KNL1: variants seen among roughly 807,000 people sequenced by gnomAD.
KNL1 encodes the protein outer kinetochore KNL1 complex subunit KNL1.
Under a neutral mutation model 201.3 loss-of-function variants are expected in KNL1, and 66 were observed. That is an observed-to-expected ratio of 0.33 (90% CI 0.27 to 0.40). The LOEUF is 0.40. Ranked by LOEUF, KNL1 falls within the 10% of genes least tolerant of loss-of-function variation. KNL1 has a pLI of 1.00. For missense variants in KNL1, 2,815 were observed against 2,690.5 expected, an observed-to-expected ratio of 1.05 and a Z score of -1.02; for synonymous variants, 895 against 899.2, an observed-to-expected ratio of 1.00 and a Z score of 0.08.
chr15:40,624,291 A>C lies in KNL1; in HGVS notation c.4027A>C (p.Asn1343His), dbSNP rs758001293. Reference sequence around the variant, plus strand: ...AGTGCAAAATGATCTTGCTTATGCAAATGATTTTGCCAGTGAATATTACTT... The same window carrying C: ...AGTGCAAAATGATCTTGCTTATGCACATGATTTTGCCAGTGAATATTACTT... The part of the protein sequence containing the change: ...CPVQNDLAYA[N>H]DFASEYYLES... Residue 1343 changes from asparagine to histidine, a missense_variant, in exon 10 of 26, where the codon AAT becomes CAT. Asn to His is a moderately conservative substitution (Grantham distance 68, BLOSUM62 1). This residue lies in a region of KNL1 where 2,464 missense variants were observed against 2,291.7 expected (regional missense o/e 1.08). Transcript: ENST00000399668. The C allele has an allele frequency of 6.2e-7, 1 of 1,613,970 alleles. No homozygotes were observed. Among genetic ancestry groups the C allele is most frequent in the African/African-American group, 1.3e-5 (1 of 74,940 alleles).
rs780290051 is a variant in KNL1, at chr15:40,621,199, C to A, written c.935C>A (p.Thr312Lys). Residue 312 changes from threonine to lysine, a missense_variant, in exon 10 of 26, where the codon ACA becomes AAA. Transcript: ENST00000399668. ...NSRESKGNDI[T>K]IYGNDFMDLT... ...CGGGAATCTAAAGGTAATGATATTA[C>A]AATTTATGGCAATGACTTTATGGAC... 5 of 1,611,718 alleles carry A rather than the reference C, an allele frequency of 3.1e-6. No homozygotes were observed. In the Admixed American group the frequency reaches 8.4e-5, roughly 27 times the overall value.
At chr15:40,653,101 A>C (rs1024885499) in intron 21 of KNL1, among the ~76,000 whole-genome samples, 19 of 152,242 alleles carry the variant, frequency 1.2e-4, no homozygotes, top group African/African-American at 4.3e-4. Context: ...CCAAAATTAA[A>C]ACTTAGGAAT....
At chr15:40,658,347 G>A (rs1229382142) in intron 24 of KNL1, among the ~76,000 whole-genome samples, 2 of 151,528 alleles carry the variant, frequency 1.3e-5, no homozygotes, top group African/African-American at 2.4e-5. Context: ...AGGCAAGATG[G>A]TGAAACCCTG....
chr15:40,605,615 A>AT (rs1460499213), intron 3 of KNL1, among the ~76,000 whole-genome samples: 1 of 152,018 alleles, frequency 6.6e-6, no homozygotes, highest in African/African-American at 2.4e-5. Flanking sequence ...CGTGTGGCTA[A>AT]TTTTTTTATT....
chr15:40,610,841 C>T (rs533765073), intron 6 of KNL1: 4 of 455,164 alleles, frequency 8.8e-6, no homozygotes, highest in East Asian at 1.4e-4. Flanking sequence ...CTTCTGCCTC[C>T]TGGGTTTAAG....
chr15:40,630,596 A>G (rs1892886972), intron 13 of KNL1, among the ~76,000 whole-genome samples: 1 of 152,174 alleles, frequency 6.6e-6, no homozygotes, highest in African/African-American at 2.4e-5. Context: ...TCAGATCAGC[A>G]GTGGCATTAC....
chr15:40,626,750 T>C (rs1305239939), intron 10 of KNL1, among the ~76,000 whole-genome samples: 2 of 151,618 alleles, frequency 1.3e-5, no homozygotes, highest in African/African-American at 4.8e-5. Context: ...CAGCTAATTT[T>C]TGTATTTTTA....
chr15:40,659,104 CCT>C (rs951277934), intron 24 of KNL1, among the ~76,000 whole-genome samples: 52 of 151,692 alleles, frequency 3.4e-4, no homozygotes, highest in African/African-American at 1.2e-3. Context: ...TTGGCGAAAC[CCT>C]GTCTCTACTA....
At chr15:40,650,736 A>G (rs1248117009) in intron 19 of KNL1, among the ~76,000 whole-genome samples, 153 bp downstream of exon 19, 1 of 152,194 alleles carries the variant, frequency 6.6e-6, no homozygotes, top group African/African-American at 2.4e-5. Flanking sequence ...CCTAGAGTCC[A>G]TCTTAGTCAA....
intron 13 of KNL1, among the ~76,000 whole-genome samples, chr15:40,638,374 CTG>C (rs1326862214): frequency 6.6e-6 from 1 of 152,070 alleles, no homozygotes; most frequent in African/African-American, 2.4e-5. Context: ...AGTTTAAAAA[CTG>C]TTTTAAAGAC....
rs1299888083 is a variant in KNL1, at chr15:40,623,949, C to G, written c.3685C>G (p.Gln1229Glu). 4 of 1,613,342 alleles carry G rather than the reference C, an allele frequency of 2.5e-6. No individual in the cohort carries two copies. In the African/African-American group the frequency reaches 5.3e-5, roughly 22 times the overall value. ...VGNKIVLHTEQKQQLFAATNR... is the reference protein window; with the variant it reads ...VGNKIVLHTEEKQQLFAATNR... ...AAACAAAATAGTTCTTCACACCGAG[C>G]AAAAGCAACAACTCTTTGCTGCTAC... The change falls in exon 10 of 26, where the codon CAA (glutamine) becomes GAA (glutamate). Residue 1229 changes from glutamine to glutamate, a missense_variant. This residue lies in a region of KNL1 where 2,464 missense variants were observed against 2,291.7 expected (regional missense o/e 1.08). Coordinates refer to ENST00000399668, the MANE Select transcript of KNL1 (RefSeq NM_144508.5).
chr15:40,661,799 T>C (rs1422026259), intron 25 of KNL1, among the ~76,000 whole-genome samples: 1 of 152,056 alleles, frequency 6.6e-6, no homozygotes, highest in East Asian at 1.9e-4. Flanking sequence ...TCCCAGCACT[T>C]TGGGAGGCCG....
intron 5 of KNL1, among the ~76,000 whole-genome samples, chr15:40,609,481 T>C (rs1892088131): frequency 6.6e-6 from 1 of 152,164 alleles, no homozygotes; most frequent in South Asian, 2.1e-4. Flanking sequence ...TAGAATGAAC[T>C]GGTCGGATTC....
In KNL1 at chr15:40,624,711, G is replaced by A. The variant is rs1892679263; in HGVS notation, c.4447G>A (p.Ala1483Thr). 3 of 1,613,104 alleles carry A rather than the reference G, an allele frequency of 1.9e-6. No individual in the cohort carries two copies. Among genetic ancestry groups the A allele is most frequent in the Admixed American group, 1.7e-5 (1 of 59,848 alleles). Residue 1483 changes from alanine to threonine, a missense_variant, in exon 10 of 26, where the codon GCA becomes ACA. Coordinates refer to ENST00000399668, the MANE Select transcript of KNL1 (RefSeq NM_144508.5). ...TTTAAATATTATAGAAAATTCCTCT[G>A]CACCCATATGTGAAAACAAGCCCAA... is the stretch of plus-strand genomic sequence containing the variant. ...KSLNIIENSS[A>T]PICENKPKIL...
intron 22 of KNL1, among the ~76,000 whole-genome samples, chr15:40,655,771 C>T (rs1369382725): frequency 2.0e-5 from 3 of 151,036 alleles, no homozygotes; most frequent in Non-Finnish European, 4.4e-5. Context: ...AAAAAATTAG[C>T]CGGGCGTGGT....
At chr15:40,657,257 A>G (rs1004011424) in intron 23 of KNL1, 98 bp from the exon 24 acceptor site, 1 of 1,007,956 alleles carries the variant, frequency 9.9e-7, no homozygotes, top group Non-Finnish European at 1.6e-6. Context: ...TGATAAATGT[A>G]TTCAATTGTT....
intron 20 of KNL1, among the ~76,000 whole-genome samples, 196 bp from the exon 21 acceptor site, chr15:40,651,809 A>G (rs1462895643): frequency 6.6e-6 from 1 of 152,226 alleles, no homozygotes; most frequent in Non-Finnish European, 1.5e-5. Context: ...TCTCTGATAT[A>G]CAACTCAAGA....
Position 40,621,302 on chromosome 15 carries a change from C to A in KNL1, c.1038C>A (p.Ala346=), listed in dbSNP as rs1411601264. The change falls in exon 10 of 26, where the codon GCC becomes GCA. Residue 346 remains alanine (A), a synonymous_variant. Transcript: ENST00000399668. ...AAATAGAAAATCAAACTCAGAATGC[C>A]ATGGATGTAACAACAGGTTATGGAA... ...FSEIENQTQN[A]MDVTTGYGTK... The A allele has an allele frequency of 1.6e-5, 26 of 1,613,766 alleles. No individual in the cohort carries two copies. Among genetic ancestry groups the A allele is most frequent in the Non-Finnish European group, 2.2e-5 (26 of 1,179,934 alleles).
intron 22 of KNL1, among the ~76,000 whole-genome samples, chr15:40,655,979 T>C (rs1893718664): frequency 6.6e-6 from 1 of 152,140 alleles, no homozygotes; most frequent in African/African-American, 2.4e-5. Flanking sequence ...ATTTTCATAA[T>C]TTAAAAATTA....
Sources: gnomAD v4.1 joint callset for allele counts (sites outside exome capture counted in the v4.1 genomes callset) on GRCh38, gnomAD v4.1.1 for gene constraint, gnomAD v4.1.1 regional missense constraint, MANE v1.5 for transcripts, NCBI Gene and HGNC (gene_info 2026-07-23, HGNC 2026-07-21) for gene names.